The following C16orf46 variants were observed in gnomAD, a reference collection of about 807,000 sequenced individuals.
C16orf46 encodes chromosome 16 open reading frame 46, also known as uncharacterized protein C16orf46.
C16orf46 carries 7 observed loss-of-function variants against 5.5 expected under a neutral mutation model. That is an observed-to-expected ratio of 1.28 (90% CI 0.73 to 2.40). C16orf46 has a LOEUF of 2.40. Among genes scored for constraint, C16orf46 ranks in the 30% most tolerant of loss-of-function variants. The pLI, the probability that C16orf46 is intolerant of heterozygous loss-of-function variation, is 0.00. For missense variants in C16orf46, 614 were observed against 476.0 expected, an observed-to-expected ratio of 1.29 and a Z score of -2.70; for synonymous variants, 200 against 184.1, an observed-to-expected ratio of 1.09 and a Z score of -0.70.
intron 3 of C16orf46, among the ~76,000 whole-genome samples, chr16:81,062,879 C>CTTTTTT (rs35694573): frequency 7.2e-6 from 1 of 138,368 alleles, no homozygotes; most frequent in South Asian, 2.3e-4. Flanking sequence ...TAGTTTTATG[C>CTTTTTT]TTTTTTTTTT....
downstream of C16orf46, chr16:81,060,942 G>T: frequency 1.5e-6 from 2 of 1,326,094 alleles, no homozygotes; most frequent in Non-Finnish European, 1.9e-6. Flanking sequence ...GTTAACACAT[G>T]AATATGGTGT....
downstream of C16orf46, among the ~76,000 whole-genome samples, chr16:81,056,595 C>G (rs577160008): frequency 9.1e-4 from 136 of 149,346 alleles, no homozygotes; most frequent in African/African-American, 3.3e-3. Flanking sequence ...ACTCGGGAGG[C>G]TGAGGCAGGA....
At chr16:81,063,723 C>G in intron 3 of C16orf46, 23 bp downstream of exon 3, 1 of 1,585,962 alleles carries the variant, frequency 6.3e-7, no homozygotes, top group Non-Finnish European at 8.6e-7. Flanking sequence ...GACAGAAAAG[C>G]TGTGACTCAG....
At chr16:81,076,936 G>C (rs998351746) in intron 1 of C16orf46, 200 bp downstream of exon 1, 1 of 152,138 alleles carries the variant, frequency 6.6e-6, no homozygotes, top group Non-Finnish European at 1.5e-5. Flanking sequence ...CACCCTTAAA[G>C]GGTTCCGCTC....
chr16:81,065,473 C>CAAAAA (rs11303086), intron 2 of C16orf46, among the ~76,000 whole-genome samples: 5 of 65,374 alleles, frequency 7.6e-5, no homozygotes, highest in South Asian at 5.8e-4. Flanking sequence ...GAATCCGTCT[C>CAAAAA]AAAAAAAAAA....
At chr16:81,056,733 CTTCT>C (rs1971307696), downstream of C16orf46, among the ~76,000 whole-genome samples, 3 of 149,962 alleles carry the variant, frequency 2.0e-5, no homozygotes, top group Admixed American at 2.0e-4. Flanking sequence ...CTTATGGCTG[CTTCT>C]TTGCTTCTTT....
intron 1 of C16orf46, among the ~76,000 whole-genome samples, chr16:81,070,515 T>C (rs1298531990): frequency 6.6e-6 from 1 of 152,214 alleles, no homozygotes; most frequent in Non-Finnish European, 1.5e-5. Flanking sequence ...ATAGTTTTTT[T>C]TAAACAAAGG....
chr16:81,063,877 G>T lies in C16orf46; in HGVS notation c.79C>A (p.Pro27Thr), dbSNP rs367739815. ...TTTCCATCTGGACAAGTATAGGTTG[G>T]TTCTGTTTCTTCTGTGAACTGAATT... ...NEIQFTEETE[P>T]TYTCPDGKSE... is the part of the protein sequence containing the mutation. The change falls in exon 3 of 4, where the codon CCA becomes ACA. Residue 27 changes from proline to threonine, a missense_variant. Physicochemically the swap from Pro to Thr is conservative, Grantham distance 38. Coordinates refer to ENST00000299578, the MANE Select transcript of C16orf46 (RefSeq NM_152337.3). 45 of 1,613,276 alleles carry T rather than the reference G, an allele frequency of 2.8e-5. No individual in the cohort carries two copies. Among genetic ancestry groups the T allele is most frequent in the Middle Eastern group, 3.3e-4 (2 of 6,084 alleles).
chr16:81,057,761 G>T (rs1833258091), downstream of C16orf46: 1 of 152,498 alleles, frequency 6.6e-6, no homozygotes, highest in Non-Finnish European at 1.5e-5. Context: ...GCCGGGTGTG[G>T]TGGCTCACGC....
At chr16:81,076,260 G>T (rs1972036173) in intron 1 of C16orf46, among the ~76,000 whole-genome samples, 1 of 152,172 alleles carries the variant, frequency 6.6e-6, no homozygotes, top group Non-Finnish European at 1.5e-5. Flanking sequence ...ACAGGAAAAT[G>T]AGTTGGGAGT....
At chr16:81,069,552 G>C in intron 1 of C16orf46, among the ~76,000 whole-genome samples, 1 of 151,522 alleles carries the variant, frequency 6.6e-6, no homozygotes, top group Admixed American at 6.5e-5. Flanking sequence ...CTCACTTTAA[G>C]GAGAAGCGGG....
At chr16:81,071,029 G>A (rs997179057) in intron 1 of C16orf46, among the ~76,000 whole-genome samples, 2 of 152,144 alleles carry the variant, frequency 1.3e-5, no homozygotes, top group African/African-American at 4.8e-5. Context: ...CGACTCCAGA[G>A]TCCATGTGTA....
In C16orf46 at chr16:81,070,467, A is replaced by G. The variant is rs548631386; in HGVS notation, c.-127-4186T>C. ...GAGACACATAGGTCAATGCGCCAGA[A>G]TAAGGAATCCAGAAATACACCCCCC... On this transcript the variant is annotated intron_variant, in intron 1 of 3. Coordinates refer to ENST00000299578, the MANE Select transcript of C16orf46 (RefSeq NM_152337.3). Among the ~76,000 whole-genome samples the G allele has an allele frequency of 2.6e-5, 4 of 152,342 alleles. No homozygotes were observed. The South Asian group carries it at 8.3e-4, about 32-fold the overall frequency.
intron 1 of C16orf46, among the ~76,000 whole-genome samples, chr16:81,070,935 A>C (rs1231710672): frequency 2.0e-5 from 3 of 152,106 alleles, no homozygotes; most frequent in Non-Finnish European, 4.4e-5. Context: ...GCCCACATTC[A>C]AGAGGAAGGG....
In C16orf46 at chr16:81,063,993, G is replaced by C. The variant is rs199990243; in HGVS notation, c.-38C>G. 1.5e-5 allele frequency: 22 copies of C among 1,474,690 alleles called. No individual in the cohort carries two copies. The highest frequency in any genetic ancestry group is 2.0e-5 in the Non-Finnish European group (22 of 1,077,712). 91.4% of individuals were successfully genotyped at this position (1,474,690 alleles called of 1,614,324 possible). On this transcript the variant is annotated splice_region_variant and 5_prime_UTR_variant, in exon 3 of 4. Transcript: ENST00000299578. Reference sequence around the variant, plus strand: ...TGCTTAAAGTTTTTAACATCTTCTTGCTGTTTAAAAACATGAATGGAACTT... The same window carrying C: ...TGCTTAAAGTTTTTAACATCTTCTTCCTGTTTAAAAACATGAATGGAACTT...
chr16:81,077,224 G>A lies in C16orf46; in HGVS notation c.-216C>T, dbSNP rs1224343297. 1 of 152,354 alleles carries A rather than the reference G, an allele frequency of 6.6e-6. No individual in the cohort carries two copies. Among genetic ancestry groups the A allele is most frequent in the African/African-American group, 2.4e-5 (1 of 41,468 alleles). 9.4% of individuals were successfully genotyped at this position (152,354 alleles called of 1,614,324 possible). A position where few individuals can be genotyped will look rare whatever the true frequency, so the allele number is the denominator to read the frequency against. The stretch of plus-strand genomic sequence containing the variant: ...TCAGGTCGCTGCCGGATGGGCCGTT[G>A]CCTTGGGTTACGACCACGCTGGGGG... On this transcript the variant is annotated 5_prime_UTR_variant, in exon 1 of 4. Coordinates refer to ENST00000299578, the MANE Select transcript of C16orf46 (RefSeq NM_152337.3).
chr16:81,071,960 T>C (rs992090812), intron 1 of C16orf46: 1 of 152,220 alleles, frequency 6.6e-6, no homozygotes, highest in Non-Finnish European at 1.5e-5. Context: ...CAACAGACTG[T>C]GAGTGGAACT....
Position 81,061,223 on chromosome 16 carries a change from C to T in C16orf46, c.1126G>A (p.Val376Ile). 1 of 1,614,110 alleles carries T rather than the reference C, an allele frequency of 6.2e-7. No homozygotes were observed. The highest frequency in any genetic ancestry group is 8.5e-7 in the Non-Finnish European group (1 of 1,179,986). ...MLETKVFPRPVLPSLTVSRVI... is the reference protein window; with the variant it reads ...MLETKVFPRPILPSLTVSRVI... ...CTGCTCACTGTGAGAGACGGCAAGA[C>T]AGGTCTTGGGAAAACTTTGGTCTCC... is the stretch of plus-strand genomic sequence containing the variant. The change falls in exon 4 of 4, where the codon GTC (valine) becomes ATC (isoleucine). Residue 376 changes from valine to isoleucine, a missense_variant. By Grantham distance (29) the Val-to-Ile change is conservative. Coordinates refer to ENST00000299578, the MANE Select transcript of C16orf46 (RefSeq NM_152337.3).
intron 1 of C16orf46, among the ~76,000 whole-genome samples, chr16:81,070,419 G>A (rs1240165421): frequency 3.3e-5 from 5 of 152,178 alleles, no homozygotes; most frequent in Non-Finnish European, 7.3e-5. Flanking sequence ...AGTAATCAAA[G>A]CAGTATGGTA....
Sources: gnomAD v4.1 joint callset for allele counts (sites outside exome capture counted in the v4.1 genomes callset) on GRCh38, gnomAD v4.1.1 for gene constraint, MANE v1.5 for transcripts, NCBI Gene and HGNC (gene_info 2026-07-23, HGNC 2026-07-21) for gene names.